Variants in KCNQ5 observed in about 807,000 individuals in gnomAD.
KCNQ5 encodes potassium voltage-gated channel subfamily KQT member 5.
Under a neutral mutation model 98.2 loss-of-function variants are expected in KCNQ5, and 30 were observed. The ratio of observed to expected loss-of-function variants is 0.31; its 90% CI spans 0.23 to 0.41. The LOEUF (loss-of-function observed/expected upper bound fraction) is 0.41, where lower values mean the gene tolerates loss of function less well. Ranked by LOEUF, KCNQ5 falls within the 10% of genes least tolerant of loss-of-function variation. The pLI, the probability that KCNQ5 is intolerant of heterozygous loss-of-function variation, is 1.00. For synonymous variants in KCNQ5, 458 were observed against 449.4 expected, an observed-to-expected ratio of 1.02 and a Z score of -0.24; for missense variants, 835 against 1,182.5, an observed-to-expected ratio of 0.71 and a Z score of 4.31.
rs557442917 is a variant in KCNQ5 at position 72,651,912 on chromosome 6, C to T, written c.398+29325C>T. 4.6e-5 allele frequency among the ~76,000 whole-genome samples: 7 copies of T among 152,090 alleles called. 1 individual carries two copies. In the South Asian group the frequency reaches 1.5e-3, roughly 32 times the overall value. ...CACAATAACACTTTTAAAACTTATA[C>T]TCAAAAAGAATCTTTATAATGCTGT... is the stretch of plus-strand genomic sequence containing the variant. On this transcript the variant is annotated intron_variant, in intron 1 of 13. Coordinates refer to ENST00000370398, the MANE Select transcript of KCNQ5 (RefSeq NM_019842.4).
At position 72,629,255 on chromosome 6, in the gene KCNQ5, A is replaced by T. The variant is rs138445066; in HGVS notation, c.398+6668A>T. Among the ~76,000 whole-genome samples the T allele has an allele frequency of 1.3e-4, 20 of 152,320 alleles. 1 individual carries two copies. Among genetic ancestry groups the T allele is most frequent in the Middle Eastern group, 3.4e-3 (1 of 294 alleles). On this transcript the variant is annotated intron_variant, in intron 1 of 13. Transcript: ENST00000370398. Reference sequence around the variant, plus strand: ...ATATATTCTATTCTGAATTAAGTTTATGTCTGTAGAGACTGATGTTTACAT... The same window carrying T: ...ATATATTCTATTCTGAATTAAGTTTTTGTCTGTAGAGACTGATGTTTACAT...
rs1161421933 is a variant in KCNQ5 at position 72,744,808 on chromosome 6, TA to T, written c.398+122232del. On this transcript the variant is annotated intron_variant, in intron 1 of 13. Transcript: ENST00000370398. The stretch of plus-strand genomic sequence containing the variant: ...ACTGGTGACAGAGCGAGACTCCGTC[TA>T]AAAAAAAAAAGAAAAAGAAAAAGAA... Among the ~76,000 whole-genome samples, 427 of 140,396 alleles carry T rather than the reference TA, an allele frequency of 3.0e-3. 1 individual carries two copies. Among genetic ancestry groups the T allele is most frequent in the South Asian group, 8.4e-3 (37 of 4,420 alleles). 92.1% of individuals were successfully genotyped at this position (140,396 alleles called of 152,430 possible).
chr6:72,952,570 ACT>A (rs1169586180), intron 1 of KCNQ5, among the ~76,000 whole-genome samples: 1 of 152,022 alleles, frequency 6.6e-6, no homozygotes, highest in Non-Finnish European at 1.5e-5. Context: ...AAAATCAGAA[ACT>A]CTATAAAATA....
chr6:72,662,747 CTGTTT>C (rs1164811970), intron 1 of KCNQ5, among the ~76,000 whole-genome samples: 1 of 151,970 alleles, frequency 6.6e-6, no homozygotes, highest in African/African-American at 2.4e-5. Flanking sequence ...TGTTGTGTTA[CTGTTT>C]TGTTTTGTTT....
In KCNQ5 at chr6:73,096,888, C is replaced by CA. The variant is rs772521321; in HGVS notation, c.919-8364dup. 1.3e-3 allele frequency among the ~76,000 whole-genome samples: 199 copies of CA among 152,036 alleles called. 3 individuals are homozygous for CA. The highest frequency in any genetic ancestry group is 1.2e-4 in the Non-Finnish European group (8 of 67,942). Reference sequence around the variant, plus strand: ...TGAAACCCTGTCTCTACTAGAAATACAAAAATTAGCTGGGTGTGGTGGCGG... The same window carrying CA: ...TGAAACCCTGTCTCTACTAGAAATACAAAAAATTAGCTGGGTGTGGTGGCGG... On this transcript the variant is annotated intron_variant, in intron 5 of 13. Transcript: ENST00000370398.
intron 1 of KCNQ5, among the ~76,000 whole-genome samples, chr6:72,835,797 G>A (rs75379174): frequency 0.11 from 17,052 of 152,032 alleles, 1,559 homozygotes; most frequent in East Asian, 0.42. Context: ...TAACCATTAC[G>A]CTACACTCAG....
chr6:72,756,308 T>C (rs1715475192), intron 1 of KCNQ5, among the ~76,000 whole-genome samples: 1 of 152,210 alleles, frequency 6.6e-6, no homozygotes, highest in Admixed American at 6.5e-5. Flanking sequence ...CTTCTGGCTT[T>C]TGGTCATTGT....
At chr6:72,887,273 A>G (rs1442225124) in intron 1 of KCNQ5, among the ~76,000 whole-genome samples, 1 of 152,180 alleles carries the variant, frequency 6.6e-6, no homozygotes, top group African/African-American at 2.4e-5. Context: ...GAAGCAAGTC[A>G]CATCTTACTT....
At chr6:72,701,096 A>G (rs1395572420) in intron 1 of KCNQ5, among the ~76,000 whole-genome samples, 2 of 152,230 alleles carry the variant, frequency 1.3e-5, no homozygotes, top group African/African-American at 4.8e-5. Flanking sequence ...AATTTCTAGT[A>G]GCTTGAATTA....
At chr6:72,950,686 G>A (rs182431820) in intron 1 of KCNQ5, among the ~76,000 whole-genome samples, 1 of 146,164 alleles carries the variant, frequency 6.8e-6, no homozygotes, top group South Asian at 2.2e-4. Context: ...GTGTGTGTCG[G>A]AGGGCATTGG....
intron 1 of KCNQ5, among the ~76,000 whole-genome samples, chr6:72,775,266 CA>C (rs2154477609): frequency 6.6e-6 from 1 of 152,266 alleles, no homozygotes; most frequent in South Asian, 2.1e-4. Flanking sequence ...CCACCTCCCC[CA>C]AAAAATATTG....
chr6:72,731,596 C>G (rs1346309007), intron 1 of KCNQ5, among the ~76,000 whole-genome samples: 2 of 152,140 alleles, frequency 1.3e-5, no homozygotes, highest in South Asian at 2.1e-4. Context: ...TGCTTAAGCT[C>G]TCACCAACAT....
intron 5 of KCNQ5, among the ~76,000 whole-genome samples, chr6:73,096,938 G>C (rs1582349844): frequency 6.6e-6 from 1 of 152,040 alleles, no homozygotes; most frequent in African/African-American, 2.4e-5. Flanking sequence ...AGCTACTCAA[G>C]AGGCTGAAAC....
In KCNQ5 at chr6:73,077,900, A is replaced by G. The variant is rs1773598629; in HGVS notation, c.918+13A>G. The G allele has an allele frequency of 1.3e-6, 2 of 1,574,760 alleles. No homozygotes were observed. The highest frequency in any genetic ancestry group is 1.7e-4 in the Middle Eastern group (1 of 5,866). Reference sequence around the variant, plus strand: ...CTGGTGGGGCACAGTAAGTATAAAAATACATTTTTTATTTATTGGATGTTG... The same window carrying G: ...CTGGTGGGGCACAGTAAGTATAAAAGTACATTTTTTATTTATTGGATGTTG... On this transcript the variant is annotated intron_variant, in intron 5 of 13. Transcript: ENST00000370398.
At chr6:72,982,770 A>G (rs904853794) in intron 1 of KCNQ5, among the ~76,000 whole-genome samples, 15 of 152,234 alleles carry the variant, frequency 9.9e-5, no homozygotes, top group East Asian at 9.7e-4. Context: ...CCTAGCATCA[A>G]TGGTCTTCAC....
rs1280538451 is a variant in KCNQ5, at chr6:72,622,701, C to CT, written c.398+118dup. The CT allele has an allele frequency of 2.7e-6, 3 of 1,120,510 alleles. No individual in the cohort carries two copies. The African/African-American group carries it at 4.8e-5, about 18-fold the overall frequency. 69.4% of individuals were successfully genotyped at this position (1,120,510 alleles called of 1,614,324 possible). On this transcript the variant is annotated intron_variant, in intron 1 of 13. Transcript: ENST00000370398. The surrounding 1 kb of genome is among the most constrained non-coding windows in gnomAD (Gnocchi z 6.0). ...CCCCGCGCGCGTGCACACGTGGTGG[C>CT]TTTTATTTCTTCGCACGTGTTCGTG...
At chr6:73,089,534 T>A (rs896577239) in intron 5 of KCNQ5, among the ~76,000 whole-genome samples, 1 of 152,112 alleles carries the variant, frequency 6.6e-6, no homozygotes, top group African/African-American at 2.4e-5. Context: ...CTGCACCCTA[T>A]TTGTAGTCTT....
chr6:72,950,443 G>C (rs1766744833), intron 1 of KCNQ5, among the ~76,000 whole-genome samples: 1 of 152,192 alleles, frequency 6.6e-6, no homozygotes, highest in Non-Finnish European at 1.5e-5. Context: ...GAAAACCAGG[G>C]AGAAAATCCT....
intron 5 of KCNQ5, among the ~76,000 whole-genome samples, chr6:73,085,059 G>A (rs971533983): frequency 5.9e-5 from 9 of 152,094 alleles, no homozygotes; most frequent in African/African-American, 2.2e-4. Context: ...TACTTCAAGG[G>A]CAGCTTGACC....
Sources: gnomAD v4.1 joint callset for allele counts (sites outside exome capture counted in the v4.1 genomes callset) on GRCh38, gnomAD v4.1.1 for gene constraint, Gnocchi (gnomAD v3.1) non-coding constraint, MANE v1.5 for transcripts, NCBI Gene and HGNC (gene_info 2026-07-23, HGNC 2026-07-21) for gene names.